The following UBE4B variants were observed in gnomAD, a reference collection of about 807,000 sequenced individuals.
UBE4B encodes the protein ubiquitination factor E4B.
UBE4B carries 27 observed loss-of-function variants against 148.1 expected under a neutral mutation model. The observed-to-expected ratio is 0.18, with a 90% CI of 0.13 to 0.25. UBE4B has a LOEUF of 0.25. UBE4B is among the 10% of genes least tolerant of loss of function. The probability of loss-of-function intolerance (pLI) is 1.00; values close to 1 mark genes in which losing one functional copy is unlikely to be tolerated. For synonymous variants in UBE4B, 596 were observed against 619.3 expected (o/e 0.96, Z 0.56); for missense variants, 1,170 against 1,662.4 (o/e 0.70, Z 5.15).
intron 1 of UBE4B, among the ~76,000 whole-genome samples, chr1:10,057,422 T>C (rs891674223): frequency 2.7e-3 from 361 of 133,462 alleles, no homozygotes; most frequent in African/African-American, 9.9e-3. Flanking sequence ...TCTTTTCTCT[T>C]TTTTTTTTTT....
intron 2 of UBE4B, among the ~76,000 whole-genome samples, chr1:10,084,455 C>A (rs1644731476): frequency 6.6e-6 from 1 of 152,054 alleles, no homozygotes; most frequent in Non-Finnish European, 1.5e-5. Context: ...ATATTCACCC[C>A]AAAAGGCCTA....
At chr1:10,109,988 T>C (rs1225610304) in intron 7 of UBE4B, among the ~76,000 whole-genome samples, 3 of 152,174 alleles carry the variant, frequency 2.0e-5, no homozygotes, top group Non-Finnish European at 4.4e-5. Context: ...CGTGAGCCAC[T>C]GCGTCCAGCC....
chr1:10,131,382 G>A (rs1206567427), intron 14 of UBE4B, among the ~76,000 whole-genome samples: 1 of 152,094 alleles, frequency 6.6e-6, no homozygotes, highest in East Asian at 1.9e-4. Context: ...CTACTCGGGA[G>A]GCTGAGGCAC....
At chr1:10,167,653 C>T (rs796067966) in intron 23 of UBE4B, among the ~76,000 whole-genome samples, 27 of 134,672 alleles carry the variant, frequency 2.0e-4, no homozygotes, top group African/African-American at 7.2e-4. Flanking sequence ...AGTACAGTGG[C>T]GCGATCTCAG....
chr1:10,119,444 C>G, intron 8 of UBE4B, 69 bp from the exon 9 acceptor site: 1 of 1,523,290 alleles, frequency 6.6e-7, no homozygotes, highest in East Asian at 2.3e-5. Flanking sequence ...CCTTTTAACT[C>G]TTATTTTTAA....
Position 10,171,233 on chromosome 1 carries a change from A to G in UBE4B, c.3429A>G (p.Lys1143=). The G allele has an allele frequency of 6.2e-7, 1 of 1,614,204 alleles. No homozygotes were observed. The highest frequency in any genetic ancestry group is 1.1e-5 in the South Asian group (1 of 91,086). Reference sequence around the variant, plus strand: ...ACCTGAAAGTTGAAAACCCTGAGAAATACGGCTTTGAACCAAAGAAGCTGT... The same window carrying G: ...ACCTGAAAGTTGAAAACCCTGAGAAGTACGGCTTTGAACCAAAGAAGCTGT... ...CRDLKVENPE[K]YGFEPKKLLD... Residue 1143 remains lysine (K), a synonymous_variant, in exon 25 of 28, where the codon AAA becomes AAG. Coordinates refer to ENST00000343090, the MANE Select transcript of UBE4B (RefSeq NM_001105562.3).
intron 8 of UBE4B, among the ~76,000 whole-genome samples, chr1:10,117,919 T>A (rs1263353601): frequency 2.0e-5 from 3 of 152,236 alleles, no homozygotes. Context: ...TGCTTTGTTA[T>A]AATAACCAAC....
At chr1:10,160,581 T>TG (rs1646144538) in intron 22 of UBE4B, among the ~76,000 whole-genome samples, 1 of 152,118 alleles carries the variant, frequency 6.6e-6, no homozygotes, top group Admixed American at 6.6e-5. Context: ...ATTTAGCACT[T>TG]GACTGTCATC....
At chr1:10,063,263 C>T (rs774481002) in intron 1 of UBE4B, among the ~76,000 whole-genome samples, 1 of 152,054 alleles carries the variant, frequency 6.6e-6, no homozygotes, top group Non-Finnish European at 1.5e-5. Flanking sequence ...GAGTGAGACC[C>T]TATCTCAAAA....
chr1:10,051,773 CA>C lies in UBE4B; in HGVS notation c.24+18080del, dbSNP rs1644050968. ...CTAAAGAATACAGCCTGAGGTGACA[CA>C]CTTTACTCCCATCAGATGACTTATT... On this transcript the variant is annotated intron_variant, in intron 1 of 27. Coordinates refer to ENST00000343090, the MANE Select transcript of UBE4B (RefSeq NM_001105562.3). Among the ~76,000 whole-genome samples the C allele has an allele frequency of 2.0e-5, 3 of 152,192 alleles. No homozygotes were observed. The South Asian group carries it at 6.2e-4, about 31-fold the overall frequency.
At chr1:10,177,884 C>T (rs1056572429) in intron 25 of UBE4B, among the ~76,000 whole-genome samples, 8 of 151,998 alleles carry the variant, frequency 5.3e-5, no homozygotes, top group South Asian at 4.2e-4. Context: ...GCCCATTTTA[C>T]ACTCAAAGAA....
chr1:10,065,926 T>G (rs1038474410), intron 1 of UBE4B, among the ~76,000 whole-genome samples: 1 of 152,144 alleles, frequency 6.6e-6, no homozygotes, highest in African/African-American at 2.4e-5. Flanking sequence ...CTTTTTCAAT[T>G]CAATTTTTTA....
At chr1:10,067,930 G>A (rs989430118) in intron 1 of UBE4B, among the ~76,000 whole-genome samples, 7 of 151,406 alleles carry the variant, frequency 4.6e-5, no homozygotes, top group African/African-American at 1.7e-4. Flanking sequence ...GGGTTTCACC[G>A]TGTTAACCAG....
At chr1:10,151,210 C>A (rs935676175) in intron 20 of UBE4B, 116 bp from the exon 21 acceptor site, 2 of 923,502 alleles carry the variant, frequency 2.2e-6, no homozygotes, top group South Asian at 1.6e-5. Flanking sequence ...AAGGGCACTC[C>A]CAAACCTACT....
chr1:10,146,489 G>GTA (rs1361569055), intron 18 of UBE4B, among the ~76,000 whole-genome samples: 2 of 152,132 alleles, frequency 1.3e-5, no homozygotes, highest in African/African-American at 4.8e-5. Flanking sequence ...CTGCTTAAAT[G>GTA]TATACATCAG....
At chr1:10,126,348 T>TAGAC (rs1334323959) in intron 10 of UBE4B, among the ~76,000 whole-genome samples, 3 of 147,774 alleles carry the variant, frequency 2.0e-5, no homozygotes, top group African/African-American at 7.8e-5. Flanking sequence ...GATAGATAGA[T>TAGAC]AGATAGAAAG....
At chr1:10,103,238 A>G (rs936735682) in intron 5 of UBE4B, 146 bp downstream of exon 5, 2 of 724,090 alleles carry the variant, frequency 2.8e-6, no homozygotes, top group East Asian at 2.7e-5. Flanking sequence ...TGAGGACACA[A>G]TTGTTTAGCC....
chr1:10,091,143 T>G (rs1048132734), intron 2 of UBE4B, among the ~76,000 whole-genome samples: 3 of 152,200 alleles, frequency 2.0e-5, no homozygotes, highest in Non-Finnish European at 4.4e-5. Flanking sequence ...ATAGTTGATA[T>G]GTGGGGAGTT....
chr1:10,103,781 C>T (rs749570416), intron 5 of UBE4B, among the ~76,000 whole-genome samples: 8 of 152,126 alleles, frequency 5.3e-5, no homozygotes, highest in Non-Finnish European at 1.0e-4. Flanking sequence ...GCATGCGCCA[C>T]CACACCCAGC....
Sources: allele counts gnomAD v4.1 joint callset (sites outside exome capture counted in the v4.1 genomes callset), GRCh38; gene constraint gnomAD v4.1.1; transcripts MANE v1.5; gene names NCBI Gene and HGNC (gene_info 2026-07-23, HGNC 2026-07-21).